METTL25: variants seen among roughly 807,000 people sequenced by gnomAD.
The protein encoded by METTL25 is probable methyltransferase-like protein 25.
METTL25 carries 64 observed loss-of-function variants against 71.6 expected under a neutral mutation model. The observed-to-expected ratio is 0.89, with a 90% CI of 0.73 to 1.10. The LOEUF (loss-of-function observed/expected upper bound fraction) is 1.10, where lower values mean the gene tolerates loss of function less well. METTL25 is among the 50% of genes least tolerant of loss of function. The pLI is 0.00. For missense variants in METTL25, 807 were observed against 707.0 expected, an observed-to-expected ratio of 1.14 and a Z score of -1.60; for synonymous variants, 287 against 250.3, an observed-to-expected ratio of 1.15 and a Z score of -1.38.
At chr12:82,430,568 A>G (rs1889397683) in intron 5 of METTL25, among the ~76,000 whole-genome samples, 1 of 151,706 alleles carries the variant, frequency 6.6e-6, no homozygotes, top group African/African-American at 2.4e-5. Context: ...TCAATATCTC[A>G]TTACTTATCT....
intron 9 of METTL25, among the ~76,000 whole-genome samples, chr12:82,461,838 A>ATGCGATCTAACGCATAGAAT (rs1891899667): frequency 6.6e-6 from 1 of 152,210 alleles, no homozygotes; most frequent in Non-Finnish European, 1.5e-5. Flanking sequence ...TTTGGGTACT[A>ATGCGATCTAACGCATAGAAT]AGATGTATGC....
At position 82,398,824 on chromosome 12, in the gene METTL25, C is replaced by A. The variant is rs762911726; in HGVS notation, c.561C>A (p.Tyr187Ter). The A allele has an allele frequency of 6.4e-7, 1 of 1,568,356 alleles. No homozygotes were observed. Among genetic ancestry groups the A allele is most frequent in the East Asian group, 2.3e-5 (1 of 44,188 alleles). The change falls in exon 4 of 12, where the codon TAC becomes TAA. Residue 187 changes from tyrosine to a stop codon, truncating the protein, a stop_gained. Coordinates refer to ENST00000248306, the MANE Select transcript of METTL25 (RefSeq NM_032230.3). LOFTEE classifies it high-confidence loss of function. ...QVIDLGSGKG[Y>*]LSSFLSLKYG... ...TTGACTTGGGTTCCGGTAAAGGCTA[C>A]CTAAGCTCTTTTTTGTCCTTGAAGT...
intron 9 of METTL25, among the ~76,000 whole-genome samples, chr12:82,466,739 T>A (rs1249849842): frequency 1.3e-5 from 2 of 152,124 alleles, no homozygotes; most frequent in Admixed American, 6.6e-5. Context: ...TCTCTTTAGA[T>A]CTAATAATAT....
intron 1 of METTL25, among the ~76,000 whole-genome samples, chr12:82,379,658 T>G (rs1884234783): frequency 6.6e-6 from 1 of 152,210 alleles, no homozygotes; most frequent in Non-Finnish European, 1.5e-5. Context: ...TCAAATTTAG[T>G]AAGAAGTATC....
intron 8 of METTL25, among the ~76,000 whole-genome samples, chr12:82,443,605 G>T (rs1890522628): frequency 6.6e-6 from 1 of 152,112 alleles, no homozygotes; most frequent in Non-Finnish European, 1.5e-5. Context: ...AAGAAAAGAG[G>T]TTTATTTGGC....
chr12:82,390,099 A>G (rs959578531), intron 3 of METTL25, among the ~76,000 whole-genome samples, 177 bp downstream of exon 3: 4 of 152,074 alleles, frequency 2.6e-5, no homozygotes, highest in African/African-American at 9.7e-5. Flanking sequence ...ATTTCCTAGT[A>G]TATTGTAATT....
chr12:82,451,697 T>G (rs2137237180), intron 8 of METTL25, among the ~76,000 whole-genome samples: 1 of 152,232 alleles, frequency 6.6e-6, no homozygotes, highest in Middle Eastern at 3.4e-3. Flanking sequence ...TATTCTGATT[T>G]TTAGGGTCTC....
intron 1 of METTL25, among the ~76,000 whole-genome samples, chr12:82,369,142 C>T (rs1592587522): frequency 6.6e-6 from 1 of 152,168 alleles, no homozygotes; most frequent in Non-Finnish European, 1.5e-5. Context: ...AATATTCACT[C>T]ATATTGCATC....
At chr12:82,421,263 G>T (rs1592695006) in intron 5 of METTL25, among the ~76,000 whole-genome samples, 1 of 152,128 alleles carries the variant, frequency 6.6e-6, no homozygotes, top group Non-Finnish European at 1.5e-5. Context: ...AAAGACTGTT[G>T]TACCAGTCCA....
intron 3 of METTL25, 149 bp downstream of exon 3, chr12:82,390,071 C>CT: frequency 7.1e-6 from 4 of 564,332 alleles, no homozygotes; most frequent in Non-Finnish European, 1.3e-5. Context: ...ACATCAGATT[C>CT]TTTAAGCATA....
At chr12:82,411,873 A>G (rs1215736892) in intron 5 of METTL25, among the ~76,000 whole-genome samples, 1 of 152,108 alleles carries the variant, frequency 6.6e-6, no homozygotes, top group Non-Finnish European at 1.5e-5. Flanking sequence ...TTCCTTGAGA[A>G]GGAACAAGAT....
intron 7 of METTL25, among the ~76,000 whole-genome samples, chr12:82,437,397 A>G (rs1003277991): frequency 6.6e-6 from 1 of 151,732 alleles, no homozygotes; most frequent in East Asian, 1.9e-4. Context: ...TTCTTTCACA[A>G]TGCTCTAAGA....
chr12:82,367,402 C>G (rs1261951707), intron 1 of METTL25, among the ~76,000 whole-genome samples: 3 of 152,190 alleles, frequency 2.0e-5, no homozygotes, highest in Non-Finnish European at 4.4e-5. Flanking sequence ...TTCATGCCTT[C>G]TGGAGTCTGT....
chr12:82,434,848 A>T, intron 7 of METTL25, 124 bp downstream of exon 7: 1 of 812,140 alleles, frequency 1.2e-6, no homozygotes, highest in South Asian at 1.6e-5. Context: ...ATGCATATTC[A>T]AATTTGTGCA....
chr12:82,463,008 T>C (rs1207157927), intron 9 of METTL25, among the ~76,000 whole-genome samples: 1 of 152,136 alleles, frequency 6.6e-6, no homozygotes, highest in African/African-American at 2.4e-5. Context: ...ATATATTATG[T>C]ATAGTGATTA....
chr12:82,461,846 T>TCACTGTCAACAAACTACAA (rs1891900387), intron 9 of METTL25, among the ~76,000 whole-genome samples: 1 of 152,204 alleles, frequency 6.6e-6, no homozygotes, highest in Non-Finnish European at 1.5e-5. Context: ...CTAAGATGTA[T>TCACTGTCAACAAACTACAA]GCGATCTAAC....
intron 8 of METTL25, among the ~76,000 whole-genome samples, chr12:82,447,470 T>C (rs781475191): frequency 1.6e-4 from 25 of 152,184 alleles, no homozygotes; most frequent in Non-Finnish European, 2.8e-4. Context: ...TGAATATAAT[T>C]TTAACTGAAA....
chr12:82,421,748 A>G (rs1204040260), intron 5 of METTL25, among the ~76,000 whole-genome samples: 2 of 152,234 alleles, frequency 1.3e-5, no homozygotes, highest in East Asian at 1.9e-4. Flanking sequence ...ACAAACTACC[A>G]TCGGAGAATA....
chr12:82,402,647 T>A (rs1338013064), intron 4 of METTL25, among the ~76,000 whole-genome samples: 1 of 152,216 alleles, frequency 6.6e-6, no homozygotes, highest in Admixed American at 6.5e-5. Context: ...GCTTTACATA[T>A]TTTAATGGAC....
Sources: allele counts gnomAD v4.1 joint callset (sites outside exome capture counted in the v4.1 genomes callset), GRCh38; gene constraint gnomAD v4.1.1; transcripts MANE v1.5; gene names NCBI Gene and HGNC (gene_info 2026-07-23, HGNC 2026-07-21).